Variants in PCLO observed in about 807,000 individuals in gnomAD.
PCLO encodes protein piccolo.
A neutral mutation model predicts 427.5 loss-of-function variants in PCLO; 82 were observed. That is an observed-to-expected ratio of 0.19 (90% CI 0.16 to 0.23). The LOEUF (loss-of-function observed/expected upper bound fraction) is 0.23, where lower values mean the gene tolerates loss of function less well. PCLO is among the 10% of genes least tolerant of loss of function. PCLO has a pLI of 1.00. For missense variants in PCLO, 6,239 were observed against 6,115.9 expected (o/e 1.02, Z -0.67); for synonymous variants, 2,357 against 2,155.4 (o/e 1.09, Z -2.59).
At chr7:82,901,545 C>T (rs1178817102) in intron 9 of PCLO, among the ~76,000 whole-genome samples, 1 of 152,012 alleles carries the variant, frequency 6.6e-6, no homozygotes, top group Non-Finnish European at 1.5e-5. Flanking sequence ...ACACCAAAAG[C>T]AATGGCAACA....
rs36075501 is a variant in PCLO, at chr7:82,862,566, C to CAAAAA, written c.13655-15324_13655-15320dup. Among the ~76,000 whole-genome samples the CAAAAA allele has an allele frequency of 3.0e-4, 28 of 92,186 alleles. 1 individual carries two copies. Among genetic ancestry groups the CAAAAA allele is most frequent in the Middle Eastern group, 8.2e-3 (1 of 122 alleles). The allele number at this position is 92,186 out of a possible 152,430, so 60.5% of individuals were successfully genotyped here. A position where few individuals can be genotyped will look rare whatever the true frequency, so the allele number is the denominator to read the frequency against. On this transcript the variant is annotated intron_variant, in intron 10 of 24. Coordinates refer to ENST00000333891, the MANE Select transcript of PCLO (RefSeq NM_033026.6). ...AAGCAACCAGAGCAAGACTCTGCCTCAAAAAAAAAAAAAAAAAAAAAGAAT... is the reference window on the plus strand; with the variant it reads ...AAGCAACCAGAGCAAGACTCTGCCTCAAAAAAAAAAAAAAAAAAAAAAAAAAGAAT...
intron 3 of PCLO, among the ~76,000 whole-genome samples, chr7:83,071,105 G>A (rs1292432445): frequency 6.6e-6 from 1 of 151,646 alleles, no homozygotes; most frequent in Admixed American, 6.6e-5. Context: ...TAATTCAATG[G>A]TGTTAATTAT....
At chr7:82,854,711 T>G (rs1229929126) in intron 10 of PCLO, among the ~76,000 whole-genome samples, 1 of 152,134 alleles carries the variant, frequency 6.6e-6, no homozygotes, top group Non-Finnish European at 1.5e-5. Flanking sequence ...AGATAAATGT[T>G]ATACAGCATG....
rs1161030427 is a variant in PCLO at position 83,037,989 on chromosome 7, TTATATA to T, written c.3301-71508_3301-71503del. Among the ~76,000 whole-genome samples the T allele has an allele frequency of 6.5e-3, 88 of 13,592 alleles. 6 individuals are homozygous for T. Among genetic ancestry groups the T allele is most frequent in the African/African-American group, 0.016 (59 of 3,698 alleles). 8.9% of individuals were successfully genotyped at this position (13,592 alleles called of 152,430 possible). A position where few individuals can be genotyped will look rare whatever the true frequency, so the allele number is the denominator to read the frequency against. On this transcript the variant is annotated intron_variant, in intron 3 of 24. Transcript: ENST00000333891. ...GTTGTGTGGAGGTGTAAGGAGGAGC[TTATATA>T]TATATATATATATATATATATATAT...
chr7:82,919,972 G>T (rs957527496), intron 6 of PCLO, among the ~76,000 whole-genome samples: 12 of 151,864 alleles, frequency 7.9e-5, no homozygotes, highest in Admixed American at 2.6e-4. Context: ...TGTGTGAGGG[G>T]TGTGTACTAT....
Position 82,822,506 on chromosome 7 carries a change from C to A in PCLO, c.14780G>T (p.Arg4927Leu), listed in dbSNP as rs370849099. 1.9e-6 allele frequency: 3 copies of A among 1,613,772 alleles called. No individual in the cohort carries two copies. The highest frequency in any genetic ancestry group is 1.1e-5 in the South Asian group (1 of 91,078). Reference protein sequence around the residue: ...AAAEAAVQQLRIQPTKPPNHR... With the variant: ...AAAEAAVQQLLIQPTKPPNHR... ...TTTGCGTCTTTTACTTGGTTGAATG[C>A]GGAGTTGTTGCACGGCAGCTTCGGC... Residue 4927 changes from arginine to leucine, a missense_variant, in exon 20 of 25, where the codon CGC becomes CTC. Physicochemically the swap from Arg to Leu is moderately radical, Grantham distance 102. Coordinates refer to ENST00000333891, the MANE Select transcript of PCLO (RefSeq NM_033026.6).
At chr7:83,078,110 C>T (rs981491921) in intron 3 of PCLO, among the ~76,000 whole-genome samples, 4 of 152,168 alleles carry the variant, frequency 2.6e-5, no homozygotes, top group African/African-American at 9.6e-5. Context: ...CTAATAATGG[C>T]TATAAAGAGA....
At chr7:83,013,921 G>A (rs1289879812) in intron 3 of PCLO, among the ~76,000 whole-genome samples, 5 of 152,052 alleles carry the variant, frequency 3.3e-5, no homozygotes, top group African/African-American at 1.2e-4. Context: ...GGATTTTATT[G>A]TTATTATTGT....
In PCLO at chr7:83,162,363, T is replaced by A; in HGVS notation, c.230A>T (p.Glu77Val). 6.2e-7 allele frequency: 1 copy of A among 1,600,650 alleles called. No homozygotes were observed. Among genetic ancestry groups the A allele is most frequent in the Non-Finnish European group, 8.5e-7 (1 of 1,173,664 alleles). Reference protein sequence around the residue: ...PKGSVPPAAAESPSMHRKQEL... With the variant: ...PKGSVPPAAAVSPSMHRKQEL... ...TGCATGCCTGTGCATGGAAGGCGAC[T>A]CCGCAGCGGCCGGGGGGACGCTTCC... Residue 77 changes from glutamate (E) to valine (V), a missense_variant, in exon 1 of 25, where the codon GAG becomes GTG. Transcript: ENST00000333891.
chr7:82,779,476 A>T (rs924602627), intron 22 of PCLO, among the ~76,000 whole-genome samples: 2 of 152,184 alleles, frequency 1.3e-5, no homozygotes, highest in African/African-American at 4.8e-5. Flanking sequence ...GTGAATCAAC[A>T]TGAATTTGTG....
At chr7:82,823,043 G>A (rs1284931715) in intron 19 of PCLO, among the ~76,000 whole-genome samples, 1 of 152,148 alleles carries the variant, frequency 6.6e-6, no homozygotes, top group East Asian at 1.9e-4. Context: ...AGCAAAAACA[G>A]GATGAAGGAT....
chr7:83,093,656 C>T (rs1188941980), intron 3 of PCLO, among the ~76,000 whole-genome samples: 1 of 149,580 alleles, frequency 6.7e-6, no homozygotes, highest in African/African-American at 2.5e-5. Context: ...CCACACCCGG[C>T]TAATTTTTTT....
chr7:83,159,656 C>A (rs1203960761), intron 1 of PCLO, among the ~76,000 whole-genome samples: 1 of 151,774 alleles, frequency 6.6e-6, no homozygotes, highest in South Asian at 2.1e-4. Context: ...AACATATATG[C>A]AAAATGTAGG....
At chr7:83,126,473 A>C (rs1791442286) in intron 3 of PCLO, among the ~76,000 whole-genome samples, 1 of 152,164 alleles carries the variant, frequency 6.6e-6, no homozygotes, top group Non-Finnish European at 1.5e-5. Context: ...TGCCTATATC[A>C]AAATATCACA....
chr7:82,833,158 C>T (rs1307874718), intron 16 of PCLO, among the ~76,000 whole-genome samples: 2 of 152,134 alleles, frequency 1.3e-5, no homozygotes, highest in Non-Finnish European at 2.9e-5. Flanking sequence ...TAAATACACA[C>T]ACCACCTGTA....
chr7:83,075,343 T>C (rs1246943856), intron 3 of PCLO, among the ~76,000 whole-genome samples: 2 of 152,168 alleles, frequency 1.3e-5, no homozygotes, highest in Non-Finnish European at 2.9e-5. Context: ...AGTTGGTCCA[T>C]TTCTGAGGAC....
chr7:83,074,493 C>T (rs1056034544), intron 3 of PCLO, among the ~76,000 whole-genome samples: 1 of 149,674 alleles, frequency 6.7e-6, no homozygotes, highest in Admixed American at 6.8e-5. Context: ...TGCATGGACA[C>T]CTATGAGACG....
chr7:82,962,117 C>A lies in PCLO; in HGVS notation c.4017+3654G>T, dbSNP rs115689675. Among the ~76,000 whole-genome samples the A allele has an allele frequency of 4.7e-3, 714 of 152,282 alleles. 4 individuals carry two copies. Among genetic ancestry groups the A allele is most frequent in the African/African-American group, 0.016 (683 of 41,566 alleles). ...CAGGAAAGCTATTTGAAATCTGTTT[C>A]TGCATCTATTATTGCTAATAACAAA... is the stretch of plus-strand genomic sequence containing the variant. On this transcript the variant is annotated intron_variant, in intron 4 of 24. Coordinates refer to ENST00000333891, the MANE Select transcript of PCLO (RefSeq NM_033026.6).
chr7:83,046,534 G>A (rs1789107376), intron 3 of PCLO, among the ~76,000 whole-genome samples: 2 of 151,978 alleles, frequency 1.3e-5, no homozygotes, highest in South Asian at 4.1e-4. Context: ...GTTTATCTAA[G>A]TGACTCTCTC....
Sources: gnomAD v4.1 joint callset for allele counts (sites outside exome capture counted in the v4.1 genomes callset) on GRCh38, gnomAD v4.1.1 for gene constraint, MANE v1.5 for transcripts, NCBI Gene and HGNC (gene_info 2026-07-23, HGNC 2026-07-21) for gene names.